Variants in RGL4 observed in about 807,000 individuals in gnomAD.
The protein encoded by RGL4 is ral-GDS-related protein.
Under a neutral mutation model 49.6 loss-of-function variants are expected in RGL4, and 41 were observed. That is an observed-to-expected ratio of 0.83 (90% CI 0.64 to 1.07). RGL4 has a LOEUF of 1.07. RGL4 is among the 50% of genes least tolerant of loss of function. The pLI, the probability that RGL4 is intolerant of heterozygous loss-of-function variation, is 0.00. For missense variants in RGL4, 610 were observed against 591.9 expected (o/e 1.03, Z -0.32); for synonymous variants, 255 against 238.0 (o/e 1.07, Z -0.66).
chr22:23,697,226 C>T lies in RGL4; in HGVS notation c.1217C>T (p.Ala406Val). ...ACTGAGTTACAGAGGCTGGATTCGG[C>T]CATCCCGGACGACCTGGATGTGAGT... ...FLTELQRLDS[A>V]IPDDLDGNTN... The change falls in exon 8 of 11, where the codon GCC (alanine) becomes GTC (valine). Residue 406 changes from alanine (A) to valine (V), a missense_variant. Transcript: ENST00000290691. 6.2e-7 allele frequency: 1 copy of T among 1,613,302 alleles called. No individual in the cohort carries two copies. Among genetic ancestry groups the T allele is most frequent in the Non-Finnish European group, 8.5e-7 (1 of 1,179,466 alleles).
In RGL4 at chr22:23,694,901, A is replaced by G. The variant is rs566834332; in HGVS notation, c.1017-49A>G. The G allele has an allele frequency of 1.7e-5, 25 of 1,448,954 alleles. No individual in the cohort carries two copies. In the South Asian group the frequency reaches 2.4e-4, roughly 14 times the overall value. 89.8% of individuals were successfully genotyped at this position (1,448,954 alleles called of 1,614,324 possible). A position where few individuals can be genotyped will look rare whatever the true frequency, so the allele number is the denominator to read the frequency against. The stretch of plus-strand genomic sequence containing the variant: ...AAACAAAAGGGACTGGAACTCACAA[A>G]TCTCCCCTGATTCCCAAATTTACCC... On this transcript the variant is annotated intron_variant, in intron 5 of 10. Transcript: ENST00000290691.
rs745729650 is a variant in RGL4, at chr22:23,698,903, G to A, written c.*20G>A. 1 of 1,612,064 alleles carries A rather than the reference G, an allele frequency of 6.2e-7. No individual in the cohort carries two copies. The highest frequency in any genetic ancestry group is 1.7e-5 in the Admixed American group (1 of 59,734). On this transcript the variant is annotated 3_prime_UTR_variant, in exon 11 of 11. Coordinates refer to ENST00000290691, the MANE Select transcript of RGL4 (RefSeq NM_153615.2). The stretch of plus-strand genomic sequence containing the variant: ...CCGTAGGCTGGCAACATCCTGCAGT[G>A]GCTGGGAACCCACCGGGATGCTGGC...
Position 23,698,868 on chromosome 22 carries a change from G to C in RGL4, c.1407G>C (p.Glu469Asp). ...KESYKLSCQLEPENP is the reference protein window; with the variant it reads ...KESYKLSCQLDPENP ...GCTACAAGCTGTCCTGCCAGCTGGA[G>C]CCCGAAAACCCGTAGGCTGGCAACA... Residue 469 changes from glutamate (E) to aspartate (D), a missense_variant, in exon 11 of 11, where the codon GAG (glutamate) becomes GAC (aspartate). By Grantham distance (45) the Glu-to-Asp change is conservative. Transcript: ENST00000290691. The C allele has an allele frequency of 3.7e-6, 6 of 1,612,932 alleles. No homozygotes were observed. The highest frequency in any genetic ancestry group is 5.1e-6 in the Non-Finnish European group (6 of 1,179,598).
chr22:23,697,760 T>G (rs1476694249), intron 8 of RGL4, 78 bp from the exon 9 acceptor site: 16 of 1,476,692 alleles, frequency 1.1e-5, no homozygotes, highest in African/African-American at 6.9e-5. Context: ...GCCCTGGCAG[T>G]AGTGCAGCAT....
Position 23,693,001 on chromosome 22 carries a change from T to C in RGL4, c.696+10T>C, listed in dbSNP as rs1415534234. 8.8e-6 allele frequency: 14 copies of C among 1,582,784 alleles called. No homozygotes were observed. The highest frequency in any genetic ancestry group is 1.1e-5 in the Non-Finnish European group (13 of 1,161,780). ...GACCCTCATGGATGCGGTGAGCAGC[T>C]GAGCTTTGCAGGCTGTGTCTCTGGC... On this transcript the variant is annotated intron_variant, in intron 3 of 10. Coordinates refer to ENST00000290691, the MANE Select transcript of RGL4 (RefSeq NM_153615.2).
intron 3 of RGL4, among the ~76,000 whole-genome samples, chr22:23,693,337 G>A (rs1368326199): frequency 1.3e-5 from 2 of 152,218 alleles, no homozygotes; most frequent in East Asian, 3.9e-4. Flanking sequence ...GGTACCTGAT[G>A]CATACTGGAT....
intron 10 of RGL4, 44 bp downstream of exon 10, chr22:23,698,377 A>C (rs370617507): frequency 2.4e-6 from 3 of 1,240,738 alleles, no homozygotes; most frequent in South Asian, 1.4e-5. Flanking sequence ...AAGGCTCTCC[A>C]TTTTTTTTTT....
At position 23,699,037 on chromosome 22, in the gene RGL4, T is replaced by G. The variant is rs1923726666; in HGVS notation, c.*154T>G. On this transcript the variant is annotated 3_prime_UTR_variant, in exon 11 of 11. Coordinates refer to ENST00000290691, the MANE Select transcript of RGL4 (RefSeq NM_153615.2). ...CTTGCCCTGGATCCTCATCACCAACTGCTCCTGCTGGCCAGGATCAGGCCA... is the reference window on the plus strand; with the variant it reads ...CTTGCCCTGGATCCTCATCACCAACGGCTCCTGCTGGCCAGGATCAGGCCA... The G allele has an allele frequency of 6.5e-7, 1 of 1,547,214 alleles. No individual in the cohort carries two copies. The highest frequency in any genetic ancestry group is 8.7e-7 in the Non-Finnish European group (1 of 1,146,584).
chr22:23,698,762 C>T, intron 10 of RGL4, 82 bp from the exon 11 acceptor site: 1 of 1,490,482 alleles, frequency 6.7e-7, no homozygotes, highest in Non-Finnish European at 9.0e-7. Context: ...ACTGGGGACC[C>T]AGGATTCCAG....
rs758268805 is a variant in RGL4, at chr22:23,697,249, A to T, written c.1236+4A>T. On this transcript the variant is annotated splice_donor_region_variant and intron_variant, in intron 8 of 10. Coordinates refer to ENST00000290691, the MANE Select transcript of RGL4 (RefSeq NM_153615.2). ...GGCCATCCCGGACGACCTGGATGTG[A>T]GTGAGCCTGGGGCAGGGTGCTTGGG... The T allele has an allele frequency of 1.9e-6, 3 of 1,611,622 alleles. No individual in the cohort carries two copies.
rs146162374 is a variant in RGL4 at position 23,692,117 on chromosome 22, G to C, written c.87G>C (p.Glu29Asp). ...YSAVLQGLWE[E>D]NVCGTPGRTR... is the part of the protein sequence containing the mutation. ...CTGTGCTCCAGGGCCTTTGGGAAGA[G>C]AATGTCTGTGGGACGCCAGGGCGCA... is the stretch of plus-strand genomic sequence containing the variant. The change falls in exon 1 of 11, where the codon GAG becomes GAC. Residue 29 changes from glutamate to aspartate, a missense_variant. By Grantham distance (45) the Glu-to-Asp change is conservative. Coordinates refer to ENST00000290691, the MANE Select transcript of RGL4 (RefSeq NM_153615.2). 4,608 of 1,614,198 alleles carry C rather than the reference G, an allele frequency of 2.9e-3. 19 individuals are homozygous for C. The highest frequency in any genetic ancestry group is 3.7e-3 in the Non-Finnish European group (4,320 of 1,180,030).
At chr22:23,698,119 TGCCCCAGGGACCA>T in intron 9 of RGL4, 80 bp from the exon 10 acceptor site, 1 of 1,515,098 alleles carries the variant, frequency 6.6e-7, no homozygotes, top group Non-Finnish European at 8.9e-7. Context: ...TTCAGAAAAC[TGCCCCAGGGACCA>T]GCCCCTTCTC....
chr22:23,693,938 G>C lies in RGL4; in HGVS notation c.876G>C (p.Arg292Ser), dbSNP rs1432810869. The change falls in exon 4 of 11, where the codon AGG becomes AGC. Residue 292 changes from arginine (R) to serine (S), a missense_variant. By Grantham distance (110) the Arg-to-Ser change is moderately radical. Coordinates refer to ENST00000290691, the MANE Select transcript of RGL4 (RefSeq NM_153615.2). ...LGDHSMRARD[R>S]ARVVEHWIKV... is the part of the protein sequence containing the mutation. ...ACCACAGCATGAGGGCCCGGGACAG[G>C]GCCAGGGTGGTGGAGCACTGGATCA... 6.2e-7 allele frequency: 1 copy of C among 1,613,832 alleles called. No individual in the cohort carries two copies. Among genetic ancestry groups the C allele is most frequent in the Admixed American group, 1.7e-5 (1 of 60,030 alleles).
In RGL4 at chr22:23,698,782, C is replaced by T. The variant is rs557043501; in HGVS notation, c.1383-62C>T. The T allele has an allele frequency of 5.2e-6, 8 of 1,543,016 alleles. No individual in the cohort carries two copies. In the East Asian group the frequency reaches 1.8e-4, roughly 36 times the overall value. On this transcript the variant is annotated intron_variant, in intron 10 of 10. Transcript: ENST00000290691. ...GGACCCAGGATTCCAGCTGGGCAGG[C>T]ACTGACAGGGGACCTGATGTGTGGC...
chr22:23,697,857 G>A lies in RGL4; in HGVS notation c.1256G>A (p.Ser419Asn). 3 of 1,606,956 alleles carry A rather than the reference G, an allele frequency of 1.9e-6. No homozygotes were observed. The highest frequency in any genetic ancestry group is 2.5e-6 in the Non-Finnish European group (3 of 1,177,472). Residue 419 changes from serine (S) to asparagine (N), a missense_variant, in exon 9 of 11, where the codon AGC becomes AAC. Transcript: ENST00000290691. ...TTCCAGGGCAACACCAACAAGAGGA[G>A]CAAGGTGAGCAGCTGGGGCACTCAC... is the stretch of plus-strand genomic sequence containing the variant. ...DDLDGNTNKR[S>N]KEVRVLQEMQ...
intron 6 of RGL4, among the ~76,000 whole-genome samples, chr22:23,695,849 G>A (rs570231162): frequency 4.6e-5 from 7 of 152,316 alleles, no homozygotes; most frequent in South Asian, 2.1e-4. Context: ...CAGAGATGGC[G>A]CATCAGGAGG....
chr22:23,692,858 T>C lies in RGL4; in HGVS notation c.563T>C (p.Leu188Pro). ...PGEGPPPGTVLEPQSAPESSC... is the reference protein window; with the variant it reads ...PGEGPPPGTVPEPQSAPESSC... ...GAAGGGCCCCCTCCAGGGACAGTGC[T>C]GGAGCCACAGTCAGCCCCAGAGTCC... The change falls in exon 3 of 11, where the codon CTG becomes CCG. Residue 188 changes from leucine (L) to proline (P), a missense_variant. Coordinates refer to ENST00000290691, the MANE Select transcript of RGL4 (RefSeq NM_153615.2). The C allele has an allele frequency of 6.2e-7, 1 of 1,613,638 alleles. No individual in the cohort carries two copies. Among genetic ancestry groups the C allele is most frequent in the Non-Finnish European group, 8.5e-7 (1 of 1,180,010 alleles).
In RGL4 at chr22:23,699,016, C is replaced by T. The variant is rs1476362871; in HGVS notation, c.*133C>T. 2 of 1,550,188 alleles carry T rather than the reference C, an allele frequency of 1.3e-6. No individual in the cohort carries two copies. Among genetic ancestry groups the T allele is most frequent in the African/African-American group, 2.7e-5 (2 of 73,158 alleles). The stretch of plus-strand genomic sequence containing the variant: ...AGGCTGGCAGCTCAGCTGCATCTTG[C>T]CCTGGATCCTCATCACCAACTGCTC... On this transcript the variant is annotated 3_prime_UTR_variant, in exon 11 of 11. Transcript: ENST00000290691.
At chr22:23,693,384 G>A (rs766474665) in intron 3 of RGL4, among the ~76,000 whole-genome samples, 10 of 152,224 alleles carry the variant, frequency 6.6e-5, no homozygotes, top group Non-Finnish European at 1.0e-4. Flanking sequence ...CATAGTTGCA[G>A]CTGCCACAAG....
Sources: gnomAD v4.1 joint callset for allele counts (sites outside exome capture counted in the v4.1 genomes callset) on GRCh38, gnomAD v4.1.1 for gene constraint, MANE v1.5 for transcripts, NCBI Gene and HGNC (gene_info 2026-07-23, HGNC 2026-07-21) for gene names.